The following CYP19A1 variants were observed in gnomAD, a reference collection of about 807,000 sequenced individuals.
CYP19A1 encodes aromatase.
In CYP19A1, 32 loss-of-function variants were observed where a neutral mutation model predicts 44.4. The ratio of observed to expected loss-of-function variants is 0.72; its 90% CI spans 0.54 to 0.97. The LOEUF (loss-of-function observed/expected upper bound fraction) is 0.97. Ranked by LOEUF, CYP19A1 falls within the 50% of genes least tolerant of loss-of-function variation. The pLI is 0.00. For missense variants in CYP19A1, 598 were observed against 637.8 expected, an observed-to-expected ratio of 0.94 and a Z score of 0.67; for synonymous variants, 212 against 215.6, an observed-to-expected ratio of 0.98 and a Z score of 0.14.
chr15:51,276,831 C>A (rs149508815), intron 1 of CYP19A1, among the ~76,000 whole-genome samples: 19 of 152,276 alleles, frequency 1.2e-4, no homozygotes, highest in Admixed American at 3.3e-4. Context: ...TCATAATGTG[C>A]TATTGAGGTG....
chr15:51,263,328 C>T (rs147267953), intron 1 of CYP19A1, among the ~76,000 whole-genome samples: 5 of 152,068 alleles, frequency 3.3e-5, no homozygotes, highest in East Asian at 1.9e-4. Context: ...CTGGTGACCA[C>T]GACAAGAGCA....
chr15:51,317,548 G>A (rs1195481552), intron 1 of CYP19A1, among the ~76,000 whole-genome samples: 2 of 152,204 alleles, frequency 1.3e-5, no homozygotes, highest in East Asian at 3.8e-4. Context: ...AGGTATATGG[G>A]CTTTAGATAC....
At chr15:51,337,773 T>C (rs1179673398) in intron 1 of CYP19A1, 1 of 152,614 alleles carries the variant, frequency 6.6e-6, no homozygotes, top group Non-Finnish European at 1.5e-5. Flanking sequence ...TGGCAGCTGC[T>C]TGGGCACAGC....
chr15:51,233,990 C>T (rs1361748156), intron 3 of CYP19A1, among the ~76,000 whole-genome samples: 2 of 152,162 alleles, frequency 1.3e-5, no homozygotes, highest in African/African-American at 2.4e-5. Flanking sequence ...TTCTGCAGCC[C>T]CTACTACTTT....
chr15:51,217,022 T>C (rs779056728), intron 6 of CYP19A1, among the ~76,000 whole-genome samples: 1 of 152,226 alleles, frequency 6.6e-6, no homozygotes, highest in Non-Finnish European at 1.5e-5. Flanking sequence ...CAAATTCTAA[T>C]TGACATGTTC....
chr15:51,287,334 C>T (rs946160461), intron 1 of CYP19A1, among the ~76,000 whole-genome samples: 9 of 152,186 alleles, frequency 5.9e-5, no homozygotes, highest in African/African-American at 2.2e-4. Context: ...CCTATTGTCT[C>T]CCACAGGCAT....
intron 3 of CYP19A1, among the ~76,000 whole-genome samples, chr15:51,233,378 G>A (rs1340716444): frequency 6.6e-6 from 1 of 152,186 alleles, no homozygotes; most frequent in Non-Finnish European, 1.5e-5. Flanking sequence ...CTTGTTTATT[G>A]TTGACCTAGT....
chr15:51,322,195 G>A (rs925719994), intron 1 of CYP19A1, among the ~76,000 whole-genome samples: 1 of 152,180 alleles, frequency 6.6e-6, no homozygotes, highest in Non-Finnish European at 1.5e-5. Flanking sequence ...GCTTCCCTGT[G>A]CATGGAAAGG....
At chr15:51,300,954 A>G (rs1292298176) in intron 1 of CYP19A1, among the ~76,000 whole-genome samples, 1 of 152,202 alleles carries the variant, frequency 6.6e-6, no homozygotes, top group Non-Finnish European at 1.5e-5. Flanking sequence ...CAGGAAGGAA[A>G]AAGAGGCCAA....
At chr15:51,245,319 G>A (rs557638735) in intron 1 of CYP19A1, among the ~76,000 whole-genome samples, 1 of 152,278 alleles carries the variant, frequency 6.6e-6, no homozygotes, top group South Asian at 2.1e-4. Flanking sequence ...AGCAGGGTAA[G>A]AATATATTTT....
chr15:51,292,025 C>G (rs1052318424), intron 1 of CYP19A1, among the ~76,000 whole-genome samples: 4 of 152,218 alleles, frequency 2.6e-5, no homozygotes, highest in Admixed American at 6.5e-5. Context: ...CAGTCAGTCA[C>G]TCAGTCAGTC....
At chr15:51,319,409 A>C (rs187073824) in intron 1 of CYP19A1, among the ~76,000 whole-genome samples, 2 of 152,374 alleles carry the variant, frequency 1.3e-5, no homozygotes, top group Admixed American at 1.3e-4. Flanking sequence ...TTCTGAAGAT[A>C]TAAGCAGATC....
At chr15:51,242,338 G>C (rs1438711196) in intron 2 of CYP19A1, 2 of 274,612 alleles carry the variant, frequency 7.3e-6, no homozygotes, top group Non-Finnish European at 1.4e-5. Flanking sequence ...ACAAGACAAA[G>C]AGGGGGCATG....
chr15:51,332,028 A>T (rs915486822), intron 1 of CYP19A1, among the ~76,000 whole-genome samples: 2 of 152,168 alleles, frequency 1.3e-5, no homozygotes, highest in East Asian at 3.9e-4. Context: ...CTCTTTTAAG[A>T]ATAATTCTAT....
intron 1 of CYP19A1, among the ~76,000 whole-genome samples, chr15:51,299,274 TC>T (rs2036063858): frequency 6.6e-6 from 1 of 152,242 alleles, no homozygotes; most frequent in Non-Finnish European, 1.5e-5. Flanking sequence ...CAAAGGCGAT[TC>T]ATTCACAGGA....
chr15:51,298,766 A>G (rs2036050833), intron 1 of CYP19A1, among the ~76,000 whole-genome samples: 2 of 152,374 alleles, frequency 1.3e-5, no homozygotes, highest in South Asian at 2.1e-4. Flanking sequence ...AAATAGCTCA[A>G]CTGCTGCTGA....
At chr15:51,215,553 T>G in intron 7 of CYP19A1, 150 bp downstream of exon 7, 1 of 1,496,178 alleles carries the variant, frequency 6.7e-7, no homozygotes, top group Non-Finnish European at 9.0e-7. Flanking sequence ...AAATATCTAA[T>G]GTGTGGGCTA....
At chr15:51,266,889 C>G (rs1595737995) in intron 1 of CYP19A1, among the ~76,000 whole-genome samples, 1 of 152,172 alleles carries the variant, frequency 6.6e-6, no homozygotes, top group East Asian at 1.9e-4. Flanking sequence ...TGCCAGTGAG[C>G]TTTACACATT....
chr15:51,211,962 G>A (rs2031040690), intron 9 of CYP19A1, among the ~76,000 whole-genome samples: 1 of 152,178 alleles, frequency 6.6e-6, no homozygotes, highest in African/African-American at 2.4e-5. Context: ...CTCAGATGGT[G>A]CTATAGCTGA....
Sources: gnomAD v4.1 joint callset for allele counts (sites outside exome capture counted in the v4.1 genomes callset) on GRCh38, gnomAD v4.1.1 for gene constraint, MANE v1.5 for transcripts, NCBI Gene and HGNC (gene_info 2026-07-23, HGNC 2026-07-21) for gene names.